ATP13A4: variants seen among roughly 807,000 people sequenced by gnomAD.
The protein encoded by ATP13A4 is ATPase 13A4.
ATP13A4 carries 114 observed loss-of-function variants against 142.5 expected under a neutral mutation model. The observed-to-expected ratio is 0.80, with a 90% CI of 0.69 to 0.93. The LOEUF (loss-of-function observed/expected upper bound fraction) is 0.93. Among genes scored for constraint, ATP13A4 ranks in the 40% least tolerant of loss-of-function variants. The probability of loss-of-function intolerance (pLI) is 0.00; values close to 1 mark genes in which losing one functional copy is unlikely to be tolerated. For missense variants in ATP13A4, 1,392 were observed against 1,454.0 expected (o/e 0.96, Z 0.69); for synonymous variants, 488 against 514.8 (o/e 0.95, Z 0.70).
chr3:193,494,326 A>G (rs1254343068), intron 3 of ATP13A4, among the ~76,000 whole-genome samples: 1 of 152,112 alleles, frequency 6.6e-6, no homozygotes, highest in African/African-American at 2.4e-5. Flanking sequence ...TGCAGAATAT[A>G]CATTCTTCTC....
chr3:193,411,048 T>G lies in ATP13A4; in HGVS notation c.3231A>C (p.Ile1077=). The stretch of plus-strand genomic sequence containing the variant: ...TGAATAGACATACACCAAGCTGTAT[T>G]ATCAGCACAAGGACAAATATATCTG... The part of the protein sequence containing the change: ...YTNYIFVLVL[I]IQLGVCLFIL... Residue 1077 remains isoleucine (I), a synonymous_variant, in exon 28 of 30, where the codon ATA becomes ATC. Transcript: ENST00000342695. The G allele has an allele frequency of 1.9e-6, 3 of 1,610,418 alleles. No homozygotes were observed. The highest frequency in any genetic ancestry group is 2.2e-5 in the East Asian group (1 of 44,692).
chr3:193,514,847 C>A lies in ATP13A4; in HGVS notation c.85G>T (p.Gly29Cys). Residue 29 changes from glycine to cysteine, a missense_variant, in exon 2 of 30, where the codon GGC becomes TGC. Transcript: ENST00000342695. ...EMEIFGYRTQ[G>C]CRKSLCLAGS... ...GCAAGGCAGAGACTTTTCCGGCAGC[C>A]TTGAGTCCGATAGCCAAATATCTCC... 1 of 1,614,168 alleles carries A rather than the reference C, an allele frequency of 6.2e-7. No homozygotes were observed.
At chr3:193,569,874 T>C (rs1241271150) in intron 2 of ATP13A4, among the ~76,000 whole-genome samples, 1 of 152,144 alleles carries the variant, frequency 6.6e-6, no homozygotes, top group East Asian at 1.9e-4. Flanking sequence ...ACCATATTAA[T>C]GTAAGATATT....
At chr3:193,488,650 G>C (rs1250238699) in intron 7 of ATP13A4, among the ~76,000 whole-genome samples, 1 of 152,176 alleles carries the variant, frequency 6.6e-6, no homozygotes, top group Admixed American at 6.5e-5. Context: ...ATGTCGGCAT[G>C]AGTGAAAAGT....
intron 2 of ATP13A4, among the ~76,000 whole-genome samples, chr3:193,578,369 T>A (rs1285635172): frequency 6.7e-6 from 1 of 149,846 alleles, no homozygotes; most frequent in Non-Finnish European, 1.5e-5. Flanking sequence ...TGCATTTATT[T>A]AAATAGACTT....
intron 2 of ATP13A4, among the ~76,000 whole-genome samples, chr3:193,581,257 C>A (rs899612657): frequency 1.3e-5 from 2 of 152,068 alleles, no homozygotes; most frequent in Non-Finnish European, 2.9e-5. Context: ...CAATGTAAAA[C>A]CACAGACAGA....
At chr3:193,510,283 G>A (rs1403084218) in intron 2 of ATP13A4, among the ~76,000 whole-genome samples, 2 of 152,126 alleles carry the variant, frequency 1.3e-5, no homozygotes, top group Non-Finnish European at 2.9e-5. Flanking sequence ...TCCTAGCCCT[G>A]ACATCTTTAA....
chr3:193,456,520 A>G (rs1717621353), intron 16 of ATP13A4, among the ~76,000 whole-genome samples: 2 of 152,200 alleles, frequency 1.3e-5, no homozygotes, highest in Admixed American at 6.5e-5. Context: ...TGAAAGCCTT[A>G]TATATGATCC....
chr3:193,414,954 T>C (rs954045026), intron 25 of ATP13A4, among the ~76,000 whole-genome samples: 17 of 152,134 alleles, frequency 1.1e-4, no homozygotes, highest in Non-Finnish European at 2.2e-4. Context: ...CCACAAGATG[T>C]CACTTTTGGC....
chr3:193,567,109 T>G (rs796180840), intron 2 of ATP13A4, among the ~76,000 whole-genome samples: 74 of 152,314 alleles, frequency 4.9e-4, no homozygotes, highest in African/African-American at 1.7e-3. Context: ...TATGTCCATA[T>G]AATAGAATAT....
intron 1 of ATP13A4, among the ~76,000 whole-genome samples, chr3:193,582,585 ATATATTATATATGTATATTACATG>A (rs1553863162): frequency 8.0e-6 from 1 of 124,812 alleles, no homozygotes; most frequent in Admixed American, 9.0e-5. Context: ...TATATATTAC[ATATATTATATATGTATATTACATG>A]TATATTATAT....
intron 2 of ATP13A4, among the ~76,000 whole-genome samples, chr3:193,577,772 C>T (rs1724428373): frequency 6.6e-6 from 1 of 152,134 alleles, no homozygotes; most frequent in African/African-American, 2.4e-5. Context: ...TTCAAGTCCA[C>T]CCTTTATCAA....
At chr3:193,404,267 A>G (rs944055935) in intron 29 of ATP13A4, 3 of 462,972 alleles carry the variant, frequency 6.5e-6, no homozygotes, top group Non-Finnish European at 8.5e-6. Context: ...CCACACACAC[A>G]CACACACAGA....
chr3:193,592,359 T>A (rs1029159523), intron 1 of ATP13A4, among the ~76,000 whole-genome samples: 3 of 152,106 alleles, frequency 2.0e-5, no homozygotes, highest in Non-Finnish European at 4.4e-5. Context: ...GGCTGAGATC[T>A]GGGCCTGTCC....
intron 6 of ATP13A4, among the ~76,000 whole-genome samples, chr3:193,490,087 C>T (rs1003020089): frequency 6.6e-6 from 1 of 152,162 alleles, no homozygotes; most frequent in Admixed American, 6.6e-5. Flanking sequence ...GAAGTTGTTA[C>T]TTATCTCCTT....
At chr3:193,512,619 T>A (rs185903339) in intron 2 of ATP13A4, among the ~76,000 whole-genome samples, 22 of 152,268 alleles carry the variant, frequency 1.4e-4, no homozygotes, top group African/African-American at 4.6e-4. Context: ...TGGGTCTCAA[T>A]CCAAATCTAA....
At chr3:193,502,695 A>G (rs1720621583) in intron 2 of ATP13A4, 56 bp from the exon 3 acceptor site, 1 of 1,508,910 alleles carries the variant, frequency 6.6e-7, no homozygotes, top group Non-Finnish European at 9.2e-7. Flanking sequence ...GCAGGCTACA[A>G]TTCAACCTGA....
intron 1 of ATP13A4, among the ~76,000 whole-genome samples, chr3:193,584,885 T>C (rs1220342690): frequency 1.3e-5 from 2 of 152,216 alleles, no homozygotes; most frequent in Admixed American, 6.5e-5. Flanking sequence ...TTTTGACAAA[T>C]GGATGTGTTC....
intron 3 of ATP13A4, among the ~76,000 whole-genome samples, chr3:193,497,500 C>A (rs1049799757): frequency 2.6e-5 from 4 of 152,140 alleles, no homozygotes; most frequent in Non-Finnish European, 4.4e-5. Flanking sequence ...TTATGAAAAA[C>A]AGTATACAGG....
Sources: gnomAD v4.1 joint callset for allele counts (sites outside exome capture counted in the v4.1 genomes callset) on GRCh38, gnomAD v4.1.1 for gene constraint, MANE v1.5 for transcripts, NCBI Gene and HGNC (gene_info 2026-07-23, HGNC 2026-07-21) for gene names.